The following RALYL variants were observed in gnomAD, a reference collection of about 807,000 sequenced individuals.
The protein encoded by RALYL is RALY RNA binding protein like.
In RALYL, 29 loss-of-function variants were observed where a neutral mutation model predicts 35.1. That is an observed-to-expected ratio of 0.83 (90% confidence interval 0.61 to 1.13). The LOEUF (loss-of-function observed/expected upper bound fraction) is 1.13. Ranked by LOEUF, RALYL falls within the 50% of genes most tolerant of loss-of-function variation. The pLI, the probability that RALYL is intolerant of heterozygous loss-of-function variation, is 0.00. For missense variants in RALYL, 359 were observed against 360.4 expected, an observed-to-expected ratio of 1.00 and a Z score of 0.03; for synonymous variants, 120 against 127.6, an observed-to-expected ratio of 0.94 and a Z score of 0.40.
At chr8:84,424,428 G>C (rs1388742728) in intron 1 of RALYL, among the ~76,000 whole-genome samples, 4 of 126,172 alleles carry the variant, frequency 3.2e-5, no homozygotes, top group Non-Finnish European at 4.8e-5. Flanking sequence ...TCTCTGTATT[G>C]GTTATTCTAG....
intron 2 of RALYL, among the ~76,000 whole-genome samples, chr8:84,751,072 C>A (rs1247846653): frequency 6.6e-6 from 1 of 152,114 alleles, no homozygotes; most frequent in Admixed American, 6.6e-5. Context: ...TATCACTGTG[C>A]TTTTCACCTA....
In RALYL at chr8:84,538,213, C is replaced by A. The variant is rs532165300; in HGVS notation, c.256+8636C>A. 5.3e-5 allele frequency among the ~76,000 whole-genome samples: 8 copies of A among 152,296 alleles called. No homozygotes were observed. The South Asian group carries it at 1.7e-3, about 32-fold the overall frequency. ...TCTATTTCTAAAATTGCTTATTTGA[C>A]TCAATCACTGAACCTAAATTAGCGA... On this transcript the variant is annotated intron_variant, in intron 2 of 8. Transcript: ENST00000521268.
chr8:84,279,966 G>C (rs992571001), intron 1 of RALYL, among the ~76,000 whole-genome samples: 1 of 152,160 alleles, frequency 6.6e-6, no homozygotes, highest in Non-Finnish European at 1.5e-5. Flanking sequence ...GTTGGGCAGA[G>C]TTTTTCAGCC....
intron 1 of RALYL, among the ~76,000 whole-genome samples, chr8:84,443,728 T>C (rs2048573844): frequency 6.6e-6 from 1 of 152,114 alleles, no homozygotes; most frequent in Non-Finnish European, 1.5e-5. Flanking sequence ...GTACAGTATC[T>C]TCTTCTTTGA....
chr8:84,517,096 G>T, intron 1 of RALYL, among the ~76,000 whole-genome samples: 1 of 152,102 alleles, frequency 6.6e-6, no homozygotes, highest in Non-Finnish European at 1.5e-5. Context: ...TTCTCAAAAA[G>T]ATAACTGGCC....
At chr8:84,239,485 G>A (rs779227398) in intron 1 of RALYL, among the ~76,000 whole-genome samples, 3 of 152,086 alleles carry the variant, frequency 2.0e-5, no homozygotes, top group Non-Finnish European at 4.4e-5. Flanking sequence ...AAATCTCTAT[G>A]GCATTATCAC....
At chr8:84,774,551 T>A (rs1225997116) in intron 2 of RALYL, 28 bp from the exon 3 acceptor site, 1 of 1,439,448 alleles carries the variant, frequency 6.9e-7, no homozygotes, top group Non-Finnish European at 9.6e-7. Flanking sequence ...ATTTTCTTAA[T>A]CAGTACTGTT....
intron 1 of RALYL, among the ~76,000 whole-genome samples, chr8:84,345,139 A>G (rs1849601439): frequency 6.7e-6 from 1 of 149,564 alleles, no homozygotes; most frequent in Non-Finnish European, 1.5e-5. Flanking sequence ...AGTTTCCCAT[A>G]ATGGCCATAC....
At chr8:84,619,455 C>T (rs28787675) in intron 2 of RALYL, among the ~76,000 whole-genome samples, 6 of 147,746 alleles carry the variant, frequency 4.1e-5, no homozygotes, top group East Asian at 2.0e-4. Flanking sequence ...GGTAGATCTT[C>T]CTCCATCCTT....
chr8:84,880,477 T>C (rs1841982488), intron 7 of RALYL, among the ~76,000 whole-genome samples: 1 of 151,920 alleles, frequency 6.6e-6, no homozygotes, highest in Admixed American at 6.6e-5. Context: ...ATAAATCCTG[T>C]CCATCAAATT....
chr8:84,483,237 T>C (rs2054232593), intron 1 of RALYL, among the ~76,000 whole-genome samples: 3 of 152,238 alleles, frequency 2.0e-5, no homozygotes, highest in South Asian at 4.1e-4. Context: ...CTACATAACA[T>C]GCTATGATAC....
intron 1 of RALYL, among the ~76,000 whole-genome samples, chr8:84,388,342 C>A (rs1451243733): frequency 3.3e-5 from 5 of 152,026 alleles, no homozygotes; most frequent in Non-Finnish European, 5.9e-5. Context: ...ATTTATAGTC[C>A]TTTGGGTATA....
chr8:84,723,084 GA>G (rs1159313055), intron 2 of RALYL, among the ~76,000 whole-genome samples: 2 of 151,918 alleles, frequency 1.3e-5, no homozygotes, highest in Non-Finnish European at 2.9e-5. Context: ...AAAGGACATT[GA>G]AATAATTAAG....
intron 2 of RALYL, among the ~76,000 whole-genome samples, chr8:84,569,133 C>T (rs1244965407): frequency 6.6e-6 from 1 of 151,764 alleles, no homozygotes; most frequent in Non-Finnish European, 1.5e-5. Flanking sequence ...ATGCCTATGT[C>T]CTGAATGGTA....
At chr8:84,406,855 C>G (rs1213193240) in intron 1 of RALYL, among the ~76,000 whole-genome samples, 10 of 151,988 alleles carry the variant, frequency 6.6e-5, no homozygotes, top group Non-Finnish European at 1.5e-4. Context: ...ACTTCTAATT[C>G]TCAAATATAA....
chr8:84,835,523 A>AT (rs1233125615), intron 4 of RALYL, among the ~76,000 whole-genome samples: 1 of 150,272 alleles, frequency 6.7e-6, no homozygotes, highest in Non-Finnish European at 1.5e-5. Flanking sequence ...AAAAAAAAAA[A>AT]AAATACAAAA....
At chr8:84,660,044 G>A (rs1216208460) in intron 2 of RALYL, among the ~76,000 whole-genome samples, 3 of 152,132 alleles carry the variant, frequency 2.0e-5, no homozygotes, top group Non-Finnish European at 4.4e-5. Flanking sequence ...AAGAATAGTA[G>A]AAGTATCTAT....
chr8:84,535,990 T>C lies in RALYL; in HGVS notation c.256+6413T>C, dbSNP rs565090566. On this transcript the variant is annotated intron_variant, in intron 2 of 8. Coordinates refer to ENST00000521268, the MANE Select transcript of RALYL (RefSeq NM_173848.7). The stretch of plus-strand genomic sequence containing the variant: ...TATATTAAAACAATGCTTTGAATTA[T>C]TTTGACAGTAACTCATAATTTATAA... Among the ~76,000 whole-genome samples, 3 of 152,306 alleles carry C rather than the reference T, an allele frequency of 2.0e-5. No homozygotes were observed. In the East Asian group the frequency reaches 5.8e-4, roughly 29 times the overall value.
chr8:84,728,237 T>G (rs1297864032), intron 2 of RALYL, among the ~76,000 whole-genome samples: 1 of 152,054 alleles, frequency 6.6e-6, no homozygotes, highest in South Asian at 2.1e-4. Context: ...ATGGTGAGCA[T>G]TTTTTCGTGT....
Sources: gnomAD v4.1 joint callset for allele counts (sites outside exome capture counted in the v4.1 genomes callset) on GRCh38, gnomAD v4.1.1 for gene constraint, MANE v1.5 for transcripts, NCBI Gene and HGNC (gene_info 2026-07-23, HGNC 2026-07-21) for gene names.